Variants in TMEM40 observed in about 807,000 individuals in gnomAD.
TMEM40 encodes the protein transmembrane protein 40.
Under a neutral mutation model 40.8 loss-of-function variants are expected in TMEM40, and 34 were observed. That is an observed-to-expected ratio of 0.83 (90% CI 0.63 to 1.11). TMEM40 has a LOEUF of 1.11. TMEM40 is among the 50% of genes least tolerant of loss of function. The pLI is 0.00. For synonymous variants in TMEM40, 106 were observed against 107.0 expected, an observed-to-expected ratio of 0.99 and a Z score of 0.06; for missense variants, 296 against 280.2, an observed-to-expected ratio of 1.06 and a Z score of -0.40.
At chr3:12,763,011 T>A (rs1356744676), upstream of TMEM40, among the ~76,000 whole-genome samples, 1 of 151,614 alleles carries the variant, frequency 6.6e-6, no homozygotes, top group Non-Finnish European at 1.5e-5. Context: ...ATACAAAAAA[T>A]TAGCCGGGCG....
intron 5 of TMEM40, among the ~76,000 whole-genome samples, chr3:12,741,974 G>A (rs1008570737): frequency 2.6e-5 from 4 of 152,158 alleles, no homozygotes; most frequent in African/African-American, 9.7e-5. Flanking sequence ...GCTCACGCCT[G>A]TAATCCCAGC....
chr3:12,750,596 A>C (rs1187600517), intron 1 of TMEM40, among the ~76,000 whole-genome samples: 1 of 152,056 alleles, frequency 6.6e-6, no homozygotes, highest in Admixed American at 6.6e-5. Flanking sequence ...TAGATTTACT[A>C]GTCTCTGATT....
At chr3:12,744,122 G>A (rs1242192312) in intron 3 of TMEM40, 133 bp from the exon 4 acceptor site, 2 of 825,530 alleles carry the variant, frequency 2.4e-6, no homozygotes, top group Non-Finnish European at 3.8e-6. Flanking sequence ...TCTGATTTGG[G>A]GACTGGAGGT....
At chr3:12,755,280 TTTC>T (rs201707470) in intron 1 of TMEM40, among the ~76,000 whole-genome samples, 3,556 of 129,040 alleles carry the variant, frequency 0.028, 112 homozygotes, top group East Asian at 0.045. Context: ...TCTTTCTTTC[TTTC>T]TTCTTTTCTA....
At chr3:12,756,639 A>G (rs2061529818) in intron 1 of TMEM40, among the ~76,000 whole-genome samples, 1 of 152,312 alleles carries the variant, frequency 6.6e-6, no homozygotes, top group Non-Finnish European at 1.5e-5. Flanking sequence ...AACTTGGTGT[A>G]GTGTTGAGTC....
chr3:12,764,566 T>C (rs2061585791), intron 1 of TMEM40, among the ~76,000 whole-genome samples: 1 of 152,224 alleles, frequency 6.6e-6, no homozygotes, highest in African/African-American at 2.4e-5. Flanking sequence ...TCTATGGTCT[T>C]AGAGAAACAG....
chr3:12,738,642 A>AAGTCAT lies in TMEM40; in HGVS notation c.356-60_356-55dup, dbSNP rs2061357359. On this transcript the variant is annotated intron_variant, in intron 5 of 11. Transcript: ENST00000314124. ...TACCCATGATCCTCTGGGGGGGGAG[A>AAGTCAT]AGTCATGCTTCAGGGAAGGTGGATC... The AAGTCAT allele has an allele frequency of 8.2e-6, 13 of 1,586,754 alleles. 1 individual carries two copies. In the East Asian group the frequency reaches 2.9e-4, roughly 35 times the overall value.
At chr3:12,763,159 CAAAAA>C (rs536186442), upstream of TMEM40, among the ~76,000 whole-genome samples, 364 of 56,248 alleles carry the variant, frequency 6.5e-3, 2 homozygotes, top group African/African-American at 0.018. Flanking sequence ...GACTCTGTCT[CAAAAA>C]AAAAAAAAAA....
At chr3:12,737,856 T>G in intron 7 of TMEM40, 102 bp from the exon 8 acceptor site, 1 of 1,265,014 alleles carries the variant, frequency 7.9e-7, no homozygotes, top group Non-Finnish European at 1.1e-6. Context: ...GGGTATATCT[T>G]CCTGGGTCAG....
chr3:12,761,176 T>C (rs566910007), upstream of TMEM40, among the ~76,000 whole-genome samples: 6 of 152,256 alleles, frequency 3.9e-5, no homozygotes, highest in Non-Finnish European at 5.9e-5. Context: ...CAAATAATCC[T>C]GAACAGCCAG....
At chr3:12,748,976 C>T (rs1044089750) in intron 2 of TMEM40, among the ~76,000 whole-genome samples, 184 bp from the exon 3 acceptor site, 2 of 152,072 alleles carry the variant, frequency 1.3e-5, no homozygotes, top group African/African-American at 4.8e-5. Context: ...CAGGGGCTCA[C>T]GGAAGGCTCA....
In TMEM40 at chr3:12,744,981, A is replaced by C. The variant is rs1168118625; in HGVS notation, c.212-992T>G. Among the ~76,000 whole-genome samples the C allele has an allele frequency of 2.0e-5, 3 of 151,690 alleles. No individual in the cohort carries two copies. The East Asian group carries it at 5.8e-4, about 29-fold the overall frequency. On this transcript the variant is annotated intron_variant, in intron 3 of 11. Coordinates refer to ENST00000314124, the MANE Select transcript of TMEM40 (RefSeq NM_018306.4). ...TTTCTATATTTTACAAATATTCATCAGTGCAAAAAATGACTTTTTATTGCT... is the reference window on the plus strand; with the variant it reads ...TTTCTATATTTTACAAATATTCATCCGTGCAAAAAATGACTTTTTATTGCT...
At chr3:12,761,365 G>C (rs2061567424), upstream of TMEM40, among the ~76,000 whole-genome samples, 1 of 152,324 alleles carries the variant, frequency 6.6e-6, no homozygotes, top group South Asian at 2.1e-4. Context: ...AGCACTTTGG[G>C]AGGCTGAGGC....
intron 2 of TMEM40, among the ~76,000 whole-genome samples, chr3:12,749,505 T>G (rs1294820798): frequency 2.0e-5 from 3 of 152,188 alleles, no homozygotes; most frequent in Non-Finnish European, 4.4e-5. Context: ...TGCTCCCTAG[T>G]GCCAGCCCAA....
At chr3:12,752,237 T>A (rs2061483192) in intron 1 of TMEM40, among the ~76,000 whole-genome samples, 2 of 152,120 alleles carry the variant, frequency 1.3e-5, no homozygotes, top group South Asian at 4.1e-4. Flanking sequence ...TACAAGCATG[T>A]ACCACCATCC....
intron 1 of TMEM40, among the ~76,000 whole-genome samples, chr3:12,752,125 A>G (rs555268233): frequency 4.4e-4 from 67 of 152,136 alleles, no homozygotes; most frequent in African/African-American, 1.6e-3. Flanking sequence ...GTCTCTCTCT[A>G]TCACCCAGGC....
At chr3:12,738,457 A>C in intron 6 of TMEM40, 96 bp downstream of exon 6, 1 of 1,383,146 alleles carries the variant, frequency 7.2e-7, no homozygotes, top group South Asian at 1.2e-5. Flanking sequence ...AGAGCCAGGT[A>C]TCCCAACAGG....
chr3:12,738,881 G>A lies in TMEM40; in HGVS notation c.356-293C>T, dbSNP rs1185021140. 2.4e-5 allele frequency: 9 copies of A among 381,196 alleles called. No homozygotes were observed. The East Asian group carries it at 3.1e-4, about 13-fold the overall frequency. The allele number at this position is 381,196 out of a possible 1,614,324, so 23.6% of individuals were successfully genotyped here. ...AATTATGAAAAAGTTTGGGCCGCAC[G>A]CGGTGGCTCATGCCTGTAATACCAG... On this transcript the variant is annotated intron_variant, in intron 5 of 11. Transcript: ENST00000314124.
intron 1 of TMEM40, among the ~76,000 whole-genome samples, chr3:12,765,842 C>T (rs182974296): frequency 8.6e-5 from 13 of 151,944 alleles, no homozygotes; most frequent in Admixed American, 3.9e-4. Context: ...GGATTATAGG[C>T]GTGAACCACT....
Sources: gnomAD v4.1 joint callset for allele counts (sites outside exome capture counted in the v4.1 genomes callset) on GRCh38, gnomAD v4.1.1 for gene constraint, MANE v1.5 for transcripts, NCBI Gene and HGNC (gene_info 2026-07-23, HGNC 2026-07-21) for gene names.